Variants in SNTG1 observed in about 807,000 individuals in gnomAD.
The protein encoded by SNTG1 is syntrophin gamma 1.
Under a neutral mutation model 74.7 loss-of-function variants are expected in SNTG1, and 39 were observed. The observed-to-expected ratio is 0.52, with a 90% CI of 0.40 to 0.68. The LOEUF is 0.68. Among genes scored for constraint, SNTG1 ranks in the 30% least tolerant of loss-of-function variants. SNTG1 has a pLI of 0.00. For synonymous variants in SNTG1, 254 were observed against 217.1 expected (o/e 1.17, Z -1.49); for missense variants, 685 against 609.5 (o/e 1.12, Z -1.30).
chr8:50,163,464 G>T (rs2082498190), intron 1 of SNTG1: 1 of 147,618 alleles, frequency 6.8e-6, no homozygotes, highest in African/African-American at 2.5e-5. Flanking sequence ...TTCTCTTCAG[G>T]AATTTTCTTC....
At chr8:50,768,535 A>T (rs1396222034) in intron 18 of SNTG1, among the ~76,000 whole-genome samples, 1 of 152,014 alleles carries the variant, frequency 6.6e-6, no homozygotes, top group African/African-American at 2.4e-5. Context: ...TAATATTCAC[A>T]AGGCTGGGTA....
intron 15 of SNTG1, among the ~76,000 whole-genome samples, chr8:50,677,823 T>G (rs1435124289): frequency 3.9e-5 from 6 of 151,986 alleles, no homozygotes; most frequent in African/African-American, 1.2e-4. Flanking sequence ...GTGGCATAGA[T>G]AGTTTGCAGT....
At chr8:50,512,283 C>G (rs1453676269) in intron 9 of SNTG1, among the ~76,000 whole-genome samples, 4 of 152,022 alleles carry the variant, frequency 2.6e-5, no homozygotes, top group Non-Finnish European at 5.9e-5. Flanking sequence ...ACCGAGAGAT[C>G]AGCTGTTAGT....
In SNTG1 at chr8:50,792,553, A is replaced by G. The variant is rs77349404; in HGVS notation, c.1396-118A>G. ...GTCTACATTTGAAATTAGTTTCCACATGTTACATATCATAGATTCTAGATA... is the reference window on the plus strand; with the variant it reads ...GTCTACATTTGAAATTAGTTTCCACGTGTTACATATCATAGATTCTAGATA... On this transcript the variant is annotated intron_variant, in intron 18 of 18. Coordinates refer to ENST00000642720, the MANE Select transcript of SNTG1 (RefSeq NM_018967.5). 4.7e-3 allele frequency: 5,014 copies of G among 1,056,462 alleles called. 166 individuals are homozygous for G. In the East Asian group the frequency reaches 0.086, roughly 18 times the overall value. 65.4% of individuals were successfully genotyped at this position (1,056,462 alleles called of 1,614,324 possible).
chr8:50,084,247 G>A (rs1345047328), intron 1 of SNTG1, among the ~76,000 whole-genome samples: 1 of 152,132 alleles, frequency 6.6e-6, no homozygotes, highest in Non-Finnish European at 1.5e-5. Context: ...AGATCACGAG[G>A]TCAAGAGATC....
At chr8:50,277,220 T>C (rs893062384) in intron 2 of SNTG1, among the ~76,000 whole-genome samples, 3 of 143,862 alleles carry the variant, frequency 2.1e-5, no homozygotes, top group African/African-American at 5.1e-5. Context: ...TGAGCTATGA[T>C]TGCACCTTTG....
chr8:50,652,859 A>T (rs2095156638), intron 13 of SNTG1, among the ~76,000 whole-genome samples: 1 of 151,924 alleles, frequency 6.6e-6, no homozygotes, highest in Admixed American at 6.6e-5. Flanking sequence ...TATCAGATAT[A>T]AAAAAATCTA....
At chr8:50,176,459 T>A (rs982642471) in intron 2 of SNTG1, among the ~76,000 whole-genome samples, 4 of 152,192 alleles carry the variant, frequency 2.6e-5, no homozygotes, top group African/African-American at 7.2e-5. Context: ...CTTTCTGAAT[T>A]CATTCTGACT....
At chr8:50,254,219 T>A (rs2086775549) in intron 2 of SNTG1, among the ~76,000 whole-genome samples, 1 of 152,170 alleles carries the variant, frequency 6.6e-6, no homozygotes, top group South Asian at 2.1e-4. Context: ...ACAAGTATGA[T>A]GTCAGAATTG....
In SNTG1 at chr8:50,175,366, C is replaced by A. The variant is rs573585076; in HGVS notation, c.-28+2731C>A. Among the ~76,000 whole-genome samples, 8 of 152,272 alleles carry A rather than the reference C, an allele frequency of 5.3e-5. No homozygotes were observed. In the South Asian group the frequency reaches 1.7e-3, roughly 32 times the overall value. On this transcript the variant is annotated intron_variant, in intron 2 of 18. Transcript: ENST00000642720. ...TTCTTCTAAATCCATTCCCATTCCC[C>A]AAACCTCCAGACTAAATGGATATTC...
rs191943475 is a variant in SNTG1, at chr8:50,103,944, G to T, written c.-102-68617G>T. On this transcript the variant is annotated intron_variant, in intron 1 of 18. Transcript: ENST00000642720. ...TCATGCTGGATAAGCTTTTTGATGT[G>T]CTGCTGGATTTGGTTTGCCAGTATT... Among the ~76,000 whole-genome samples, 552 of 152,276 alleles carry T rather than the reference G, an allele frequency of 3.6e-3. 5 individuals are homozygous for T. Among genetic ancestry groups the T allele is most frequent in the African/African-American group, 0.013 (522 of 41,546 alleles).
intron 11 of SNTG1, among the ~76,000 whole-genome samples, chr8:50,543,713 G>A (rs1011476705): frequency 6.6e-6 from 1 of 152,188 alleles, no homozygotes; most frequent in Non-Finnish European, 1.5e-5. Context: ...GCTAAAAAGT[G>A]CAATGAATGG....
intron 1 of SNTG1, among the ~76,000 whole-genome samples, chr8:50,013,030 A>G (rs1433336719): frequency 6.6e-6 from 1 of 152,186 alleles, no homozygotes; most frequent in Non-Finnish European, 1.5e-5. Context: ...AACTAGAAAG[A>G]GAAGGGAAGT....
At chr8:50,108,522 CAA>C (rs1243257344) in intron 1 of SNTG1, among the ~76,000 whole-genome samples, 7 of 152,010 alleles carry the variant, frequency 4.6e-5, no homozygotes, top group Admixed American at 3.9e-4. Context: ...TGATACTGTA[CAA>C]AAAGCAAGAT....
chr8:50,190,618 G>A (rs2083536955), intron 2 of SNTG1, among the ~76,000 whole-genome samples: 1 of 152,212 alleles, frequency 6.6e-6, no homozygotes, highest in South Asian at 2.1e-4. Flanking sequence ...TATACTAACA[G>A]AAAATACTCT....
At chr8:50,081,461 A>G (rs1437927445) in intron 1 of SNTG1, among the ~76,000 whole-genome samples, 2 of 152,142 alleles carry the variant, frequency 1.3e-5, no homozygotes, top group African/African-American at 4.8e-5. Context: ...AATTTTCCAT[A>G]AAATTGAGAC....
At chr8:50,124,392 C>T (rs1479431564) in intron 1 of SNTG1, among the ~76,000 whole-genome samples, 1 of 142,314 alleles carries the variant, frequency 7.0e-6, no homozygotes, top group Non-Finnish European at 1.6e-5. Flanking sequence ...ACTAAAACAC[C>T]TTCTTAGCAT....
At chr8:50,444,494 GTAATCCCAACA>G (rs1036419316) in intron 5 of SNTG1, among the ~76,000 whole-genome samples, 6 of 152,138 alleles carry the variant, frequency 3.9e-5, no homozygotes, top group Non-Finnish European at 8.8e-5. Flanking sequence ...GCTCACACTT[GTAATCCCAACA>G]TTTTGGGAAG....
chr8:50,284,941 T>C (rs543304265), intron 2 of SNTG1, among the ~76,000 whole-genome samples: 2 of 152,184 alleles, frequency 1.3e-5, no homozygotes, highest in African/African-American at 4.8e-5. Context: ...TTAAAAGTAT[T>C]TGTTTGCTTG....
Sources: gnomAD v4.1 joint callset for allele counts (sites outside exome capture counted in the v4.1 genomes callset) on GRCh38, gnomAD v4.1.1 for gene constraint, MANE v1.5 for transcripts, NCBI Gene and HGNC (gene_info 2026-07-23, HGNC 2026-07-21) for gene names.